Variants in KIAA0319 observed in about 807,000 individuals in gnomAD.
The protein encoded by KIAA0319 is KIAA0319.
Under a neutral mutation model 108.4 loss-of-function variants are expected in KIAA0319, and 83 were observed. That is an observed-to-expected ratio of 0.77 (90% confidence interval 0.64 to 0.92). The LOEUF is 0.92. Among genes scored for constraint, KIAA0319 ranks in the 40% least tolerant of loss-of-function variants. The probability of loss-of-function intolerance (pLI) is 0.00; values close to 1 mark genes in which losing one functional copy is unlikely to be tolerated. For missense variants in KIAA0319, 1,195 were observed against 1,322.4 expected (o/e 0.90, Z 1.49); for synonymous variants, 484 against 510.4 (o/e 0.95, Z 0.70).
chr6:24,580,141 G>A (rs1355329270), intron 7 of KIAA0319, among the ~76,000 whole-genome samples, 191 bp from the exon 8 acceptor site: 4 of 152,170 alleles, frequency 2.6e-5, no homozygotes, highest in Non-Finnish European at 4.4e-5. Context: ...AGCTTGTCTG[G>A]ACATTTACAC....
chr6:24,558,745 TA>T (rs1581916223), intron 17 of KIAA0319, among the ~76,000 whole-genome samples: 1 of 152,262 alleles, frequency 6.6e-6, no homozygotes, highest in East Asian at 1.9e-4. Context: ...TATTTGTCTT[TA>T]ACACTGTTCT....
chr6:24,557,595 C>G (rs1339774448), intron 17 of KIAA0319, among the ~76,000 whole-genome samples: 1 of 152,074 alleles, frequency 6.6e-6, no homozygotes, highest in Admixed American at 6.6e-5. Flanking sequence ...GAGGACATGC[C>G]CAAAGATTTA....
intron 1 of KIAA0319, among the ~76,000 whole-genome samples, chr6:24,617,270 G>C (rs1022639910): frequency 2.6e-5 from 4 of 151,910 alleles, no homozygotes; most frequent in Non-Finnish European, 5.9e-5. Context: ...AAGTGATCTA[G>C]TAGCAGAGCA....
chr6:24,600,914 T>C, intron 2 of KIAA0319, 135 bp downstream of exon 2: 1 of 1,199,676 alleles, frequency 8.3e-7, no homozygotes, highest in Non-Finnish European at 1.2e-6. Context: ...GGTCTGCCTT[T>C]CATGCTTTCA....
rs766978040 is a variant in KIAA0319, at chr6:24,606,237, G to A, written c.-105-5029C>T. ...TAGGCGTGAGTTACTGCGCCTGGCCGGAATGGGTATTTCTGACTCCTCATA... is the reference window on the plus strand; with the variant it reads ...TAGGCGTGAGTTACTGCGCCTGGCCAGAATGGGTATTTCTGACTCCTCATA... On this transcript the variant is annotated intron_variant, in intron 1 of 20. Coordinates refer to ENST00000378214, the MANE Select transcript of KIAA0319 (RefSeq NM_014809.4). Among the ~76,000 whole-genome samples the A allele has an allele frequency of 3.3e-5, 5 of 151,776 alleles. No individual in the cohort carries two copies. The East Asian group carries it at 7.7e-4, about 24-fold the overall frequency.
At chr6:24,620,088 T>C (rs769330126) in intron 1 of KIAA0319, among the ~76,000 whole-genome samples, 6 of 152,202 alleles carry the variant, frequency 3.9e-5, no homozygotes, top group Admixed American at 1.3e-4. Flanking sequence ...ATTTTGCCAA[T>C]ATTGGTCGGG....
chr6:24,573,259 C>T (rs1764985982), intron 10 of KIAA0319, among the ~76,000 whole-genome samples: 2 of 152,114 alleles, frequency 1.3e-5, no homozygotes, highest in South Asian at 2.1e-4. Context: ...CATACTCCAA[C>T]CCAGTAATTC....
At chr6:24,550,347 G>C (rs966472903) in intron 20 of KIAA0319, among the ~76,000 whole-genome samples, 3 of 152,174 alleles carry the variant, frequency 2.0e-5, no homozygotes, top group Non-Finnish European at 4.4e-5. Context: ...CACTCACTGT[G>C]AACAATGTTT....
chr6:24,638,388 C>A, intron 1 of KIAA0319, among the ~76,000 whole-genome samples: 1 of 152,096 alleles, frequency 6.6e-6, no homozygotes, highest in East Asian at 1.9e-4. Flanking sequence ...TTGGAAAATG[C>A]AAACAAATAA....
At chr6:24,571,011 G>A (rs966275801) in intron 11 of KIAA0319, among the ~76,000 whole-genome samples, 2 of 151,854 alleles carry the variant, frequency 1.3e-5, no homozygotes, top group Non-Finnish European at 1.5e-5. Flanking sequence ...CCAACGTGGC[G>A]AAACTCTGTG....
chr6:24,547,661 G>A (rs2127403183), intron 20 of KIAA0319, among the ~76,000 whole-genome samples: 1 of 152,348 alleles, frequency 6.6e-6, no homozygotes, highest in East Asian at 1.9e-4. Flanking sequence ...AGTTTATGCT[G>A]AGGATTAAGT....
At chr6:24,603,577 TAGG>T (rs1409746891) in intron 1 of KIAA0319, among the ~76,000 whole-genome samples, 1 of 152,146 alleles carries the variant, frequency 6.6e-6, no homozygotes, top group Non-Finnish European at 1.5e-5. Flanking sequence ...TAAAACCTTA[TAGG>T]AGGACAACAC....
chr6:24,588,529 T>C, intron 4 of KIAA0319, 64 bp downstream of exon 4: 1 of 1,423,228 alleles, frequency 7.0e-7, no homozygotes, highest in Non-Finnish European at 9.8e-7. Context: ...TTAAAAGTTG[T>C]CACCACCAAA....
At position 24,643,219 on chromosome 6, in the gene KIAA0319, A is replaced by G. The variant is rs1269582454; in HGVS notation, c.-106+2517T>C. On this transcript the variant is annotated intron_variant, in intron 1 of 20. Coordinates refer to ENST00000378214, the MANE Select transcript of KIAA0319 (RefSeq NM_014809.4). ...ATGATGCCAGATGTTACTCTGGCTC[A>G]ACCATTTTTATTGTTTAATACAAAT... 5.9e-5 allele frequency among the ~76,000 whole-genome samples: 9 copies of G among 152,230 alleles called. No individual in the cohort carries two copies. In the East Asian group the frequency reaches 1.5e-3, roughly 26 times the overall value.
intron 9 of KIAA0319, 96 bp downstream of exon 9, chr6:24,578,014 T>A (rs577860752): frequency 7.8e-7 from 1 of 1,282,006 alleles, no homozygotes; most frequent in Non-Finnish European, 1.1e-6. Flanking sequence ...TCTCTTTTGA[T>A]CAAAATAAGA....
At chr6:24,543,184 AACT>A (rs1213816445), downstream of KIAA0319, among the ~76,000 whole-genome samples, 1 of 152,184 alleles carries the variant, frequency 6.6e-6, no homozygotes, top group Admixed American at 6.5e-5. Flanking sequence ...GAAAGGAAGG[AACT>A]ACTACCTGTT....
rs532932483 is a variant in KIAA0319, at chr6:24,570,734, CAGAG to C, written c.1859-703_1859-700del. Among the ~76,000 whole-genome samples the C allele has an allele frequency of 4.1e-4, 62 of 150,894 alleles. 1 individual carries two copies. In the East Asian group the frequency reaches 0.012, roughly 28 times the overall value. ...GGAGGGAGGGGACAAAGGGACATCA[CAGAG>C]AGGGAGGGAGGGGACGTTGATGTGA... On this transcript the variant is annotated intron_variant, in intron 11 of 20. Coordinates refer to ENST00000378214, the MANE Select transcript of KIAA0319 (RefSeq NM_014809.4).
intron 2 of KIAA0319, chr6:24,598,539 G>T (rs1177602842): frequency 1.1e-5 from 5 of 440,828 alleles, no homozygotes; most frequent in African/African-American, 2.0e-5. Flanking sequence ...ACACACCAGG[G>T]CTGGTGGAGG....
intron 20 of KIAA0319, among the ~76,000 whole-genome samples, chr6:24,550,651 A>C (rs1253238222): frequency 6.6e-6 from 1 of 152,196 alleles, no homozygotes; most frequent in Non-Finnish European, 1.5e-5. Flanking sequence ...GAAAAATGTT[A>C]GGCTTTAAAG....
Sources: gnomAD v4.1 joint callset for allele counts (sites outside exome capture counted in the v4.1 genomes callset) on GRCh38, gnomAD v4.1.1 for gene constraint, MANE v1.5 for transcripts, NCBI Gene and HGNC (gene_info 2026-07-23, HGNC 2026-07-21) for gene names.